Variants in DTNA observed in about 807,000 individuals in gnomAD.
DTNA encodes the protein dystrobrevin alpha, also known as dystrophin-related protein 3.
Under a neutral mutation model 100.7 loss-of-function variants are expected in DTNA, and 43 were observed. That is an observed-to-expected ratio of 0.43 (90% confidence interval 0.33 to 0.55). The LOEUF is 0.55. Ranked by LOEUF, DTNA falls within the 20% of genes least tolerant of loss-of-function variation. DTNA has a pLI of 0.04. For missense variants in DTNA, 798 were observed against 953.9 expected (o/e 0.84, Z 2.15); for synonymous variants, 349 against 347.9 (o/e 1.00, Z -0.04).
intron 3 of DTNA, among the ~76,000 whole-genome samples, chr18:34,785,963 A>T (rs536625045): frequency 4.9e-4 from 74 of 152,216 alleles, no homozygotes; most frequent in Non-Finnish European, 9.3e-4. Context: ...TGAGCAGCTT[A>T]GGGTAATGAG....
chr18:34,621,118 A>G (rs570585402), intron 1 of DTNA, among the ~76,000 whole-genome samples: 1 of 150,516 alleles, frequency 6.6e-6, no homozygotes, highest in Non-Finnish European at 1.5e-5. Flanking sequence ...TAGTATTTGA[A>G]ACATGATTTC....
intron 1 of DTNA, among the ~76,000 whole-genome samples, chr18:34,509,820 G>A (rs532584069): frequency 1.6e-4 from 24 of 152,096 alleles, no homozygotes; most frequent in Non-Finnish European, 1.5e-5. Context: ...AAAAATAAAA[G>A]TTCTCTAAAT....
In DTNA at chr18:34,860,232, T is replaced by G. The variant is rs866237127; in HGVS notation, c.1646+1834T>G. 1.6e-3 allele frequency among the ~76,000 whole-genome samples: 223 copies of G among 136,494 alleles called. 1 individual carries two copies. Among genetic ancestry groups the G allele is most frequent in the South Asian group, 4.3e-3 (17 of 3,932 alleles). The allele number at this position is 136,494 out of a possible 152,430, so 89.5% of individuals were successfully genotyped here. On this transcript the variant is annotated intron_variant, in intron 16 of 22. Transcript: ENST00000444659. Reference sequence around the variant, plus strand: ...CGGCTAATTTTTTGTTTTTTTTTTTTTTTTTTTTTTTTTTTTTGGAGAGAC... The same window carrying G: ...CGGCTAATTTTTTGTTTTTTTTTTTGTTTTTTTTTTTTTTTTTGGAGAGAC...
intron 1 of DTNA, among the ~76,000 whole-genome samples, chr18:34,668,593 T>G (rs2076283919): frequency 6.6e-6 from 1 of 152,202 alleles, no homozygotes; most frequent in Non-Finnish European, 1.5e-5. Context: ...ACACACTGCT[T>G]TATATGTGTT....
intron 3 of DTNA, among the ~76,000 whole-genome samples, chr18:34,778,821 T>A (rs989618533): frequency 6.6e-6 from 1 of 152,080 alleles, no homozygotes; most frequent in African/African-American, 2.4e-5. Context: ...TTGTTGTTGT[T>A]GTTGTTGTTG....
At chr18:34,537,517 A>G (rs563624724) in intron 1 of DTNA, among the ~76,000 whole-genome samples, 15 of 152,076 alleles carry the variant, frequency 9.9e-5, no homozygotes, top group Non-Finnish European at 1.6e-4. Context: ...TGTTTTAAAA[A>G]GCAAAAAAAA....
In DTNA at chr18:34,858,599, G is replaced by A. The variant is rs149017422; in HGVS notation, c.1646+201G>A. Among the ~76,000 whole-genome samples the A allele has an allele frequency of 5.7e-3, 863 of 152,288 alleles. 5 individuals are homozygous for A. Among genetic ancestry groups the A allele is most frequent in the Middle Eastern group, 0.024 (7 of 294 alleles). ...ATTTTGTTCTTTCATTTGGTACAGG[G>A]AAAAGCAGTGTGTTTCTGTTTTTGT... On this transcript the variant is annotated intron_variant, in intron 16 of 22. Coordinates refer to ENST00000444659, the MANE Select transcript of DTNA (RefSeq NM_001386795.1).
rs186607146 is a variant in DTNA, at chr18:34,772,532, G to C, written c.148+6491G>C. On this transcript the variant is annotated intron_variant, in intron 3 of 22. Transcript: ENST00000444659. ...GCTCCACTAGATTCATTTCTCACCA[G>C]TCAGGTGACTAGAAGAACGCTGGTC... Among the ~76,000 whole-genome samples the C allele has an allele frequency of 4.9e-4, 74 of 151,748 alleles. 4 individuals are homozygous for C. Among genetic ancestry groups the C allele is most frequent in the Admixed American group, 4.7e-3 (72 of 15,172 alleles).
Position 34,879,574 on chromosome 18 carries a change from A to G in DTNA, c.2017A>G (p.Asn673Asp). The change falls in exon 20 of 23, where the codon AAT (asparagine) becomes GAT (aspartate). Residue 673 changes from asparagine (N) to aspartate (D), a missense_variant. Physicochemically the swap from Asn to Asp is conservative, Grantham distance 23. Coordinates refer to ENST00000444659, the MANE Select transcript of DTNA (RefSeq NM_001386795.1). Reference protein sequence around the residue: ...NSEVGSETESNVDSEFARTQF... With the variant: ...NSEVGSETESDVDSEFARTQF... ...AGAGGTTGGGAGTGAAACAGAGAGT[A>G]ATGTGGATTCTGAATTTGCACGGAC... is the stretch of plus-strand genomic sequence containing the variant. 6.2e-7 allele frequency: 1 copy of G among 1,614,052 alleles called. No individual in the cohort carries two copies. The highest frequency in any genetic ancestry group is 1.1e-5 in the South Asian group (1 of 91,084).
intron 1 of DTNA, among the ~76,000 whole-genome samples, chr18:34,736,189 T>C (rs1279985794): frequency 6.6e-6 from 1 of 152,168 alleles, no homozygotes; most frequent in African/African-American, 2.4e-5. Context: ...TGATAAGTAT[T>C]ATAAAGGAGA....
At chr18:34,628,533 A>AT (rs1294504282) in intron 1 of DTNA, among the ~76,000 whole-genome samples, 2 of 152,170 alleles carry the variant, frequency 1.3e-5, no homozygotes, top group African/African-American at 4.8e-5. Context: ...GTTTATTGAG[A>AT]TTTTTTTCAT....
intron 13 of DTNA, among the ~76,000 whole-genome samples, chr18:34,845,970 G>A (rs995576881): frequency 1.3e-5 from 2 of 152,114 alleles, no homozygotes; most frequent in Non-Finnish European, 1.5e-5. Flanking sequence ...CACACATGCT[G>A]TATGGGTATC....
At chr18:34,596,587 C>T (rs948799040) in intron 1 of DTNA, among the ~76,000 whole-genome samples, 1 of 152,112 alleles carries the variant, frequency 6.6e-6, no homozygotes, top group Admixed American at 6.6e-5. Context: ...CTTATTACAT[C>T]GGGTATATCA....
intron 1 of DTNA, among the ~76,000 whole-genome samples, chr18:34,603,217 A>AAAAGG (rs375625289): frequency 6.6e-6 from 1 of 151,788 alleles, no homozygotes; most frequent in East Asian, 1.9e-4. Flanking sequence ...TCTCTAAAAG[A>AAAAGG]AAAGGAAAGG....
At chr18:34,792,237 T>G (rs550511942) in intron 3 of DTNA, among the ~76,000 whole-genome samples, 1 of 152,166 alleles carries the variant, frequency 6.6e-6, no homozygotes, top group East Asian at 1.9e-4. Context: ...CTGAACAGAT[T>G]GCTCTCTCTC....
At chr18:34,833,479 T>C (rs2096065205) in intron 11 of DTNA, among the ~76,000 whole-genome samples, 1 of 152,064 alleles carries the variant, frequency 6.6e-6, no homozygotes. Context: ...TATGCTGCTT[T>C]CCAAAGGTCT....
chr18:34,844,548 T>G (rs1257343627), intron 13 of DTNA, among the ~76,000 whole-genome samples: 2 of 152,188 alleles, frequency 1.3e-5, no homozygotes, highest in Admixed American at 1.3e-4. Flanking sequence ...AATCTTCCAT[T>G]TGAGTTAACT....
chr18:34,740,432 GA>G (rs1000349925), intron 1 of DTNA, among the ~76,000 whole-genome samples: 3 of 152,098 alleles, frequency 2.0e-5, no homozygotes, highest in African/African-American at 7.2e-5. Context: ...CAGGTTGAGG[GA>G]CACTTCTTTC....
At chr18:34,862,282 G>A (rs1381493566) in intron 16 of DTNA, among the ~76,000 whole-genome samples, 2 of 151,724 alleles carry the variant, frequency 1.3e-5, no homozygotes, top group African/African-American at 4.8e-5. Flanking sequence ...AAATTATGAT[G>A]TTTCTCATCC....
Sources: gnomAD v4.1 joint callset for allele counts (sites outside exome capture counted in the v4.1 genomes callset) on GRCh38, gnomAD v4.1.1 for gene constraint, MANE v1.5 for transcripts, NCBI Gene and HGNC (gene_info 2026-07-23, HGNC 2026-07-21) for gene names.